Variants in NRROS observed in about 807,000 individuals in gnomAD.
NRROS encodes transforming growth factor beta activator LRRC33.
NRROS carries 6 observed loss-of-function variants against 12.0 expected under a neutral mutation model. That is an observed-to-expected ratio of 0.50 (90% CI 0.27 to 0.98). The LOEUF is 0.98. NRROS is among the 50% of genes least tolerant of loss of function. NRROS has a pLI of 0.11. For synonymous variants in NRROS, 462 were observed against 410.2 expected, an observed-to-expected ratio of 1.13 and a Z score of -1.53; for missense variants, 857 against 888.2, an observed-to-expected ratio of 0.96 and a Z score of 0.45.
chr3:196,660,910 G>A lies in NRROS; in HGVS notation c.1267G>A (p.Ala423Thr), dbSNP rs1332255779. ...CCTGGGCGTCCCCCCTGGCCTCTTC[G>A]CCAATGCTAGGAACATCACTACACT... ...QLLGVPPGLFANARNITTLDM... is the reference protein window; with the variant it reads ...QLLGVPPGLFTNARNITTLDM... Residue 423 changes from alanine (A) to threonine (T), a missense_variant, in exon 3 of 3, where the codon GCC (alanine) becomes ACC (threonine). Ala to Thr is a moderately conservative substitution (Grantham distance 58). Coordinates refer to ENST00000328557, the MANE Select transcript of NRROS (RefSeq NM_198565.3). This position sits in a 1 kb window ranked among gnomAD's most constrained non-coding sequence, Gnocchi z 7.7. 5.0e-6 allele frequency: 8 copies of A among 1,613,998 alleles called. No individual in the cohort carries two copies. The highest frequency in any genetic ancestry group is 1.3e-5 in the African/African-American group (1 of 74,922).
intron 1 of NRROS, among the ~76,000 whole-genome samples, chr3:196,643,264 G>T (rs1029872776): frequency 6.6e-6 from 1 of 152,174 alleles, no homozygotes; most frequent in Admixed American, 6.5e-5. Context: ...ACGGAGTCAG[G>T]TGCTGACCCC....
In NRROS at chr3:196,660,287, A is replaced by G. The variant is rs1379196390; in HGVS notation, c.644A>G (p.Asn215Ser). The G allele has an allele frequency of 2.5e-6, 4 of 1,613,944 alleles. No homozygotes were observed. The highest frequency in any genetic ancestry group is 1.3e-5 in the African/African-American group (1 of 75,044). ...AELRHLNLAF[N>S]NLPCIVDFGL... is the part of the protein sequence containing the mutation. ...CTGAGGCACCTCAACCTGGCCTTCA[A>G]CAACCTCCCCTGCATCGTGGACTTC... The change falls in exon 3 of 3, where the codon AAC becomes AGC. Residue 215 changes from asparagine to serine, a missense_variant. Coordinates refer to ENST00000328557, the MANE Select transcript of NRROS (RefSeq NM_198565.3). The surrounding 1 kb of genome is among the most constrained non-coding windows in gnomAD (Gnocchi z 7.7).
chr3:196,660,223 T>C lies in NRROS; in HGVS notation c.580T>C (p.Phe194Leu). ...GCTGGATCTGCAGAGGAACTACATCTTCGAGATCGAGGGCGGCGCTTTCGA... is the reference window on the plus strand; with the variant it reads ...GCTGGATCTGCAGAGGAACTACATCCTCGAGATCGAGGGCGGCGCTTTCGA... ...RELDLQRNYI[F>L]EIEGGAFDGL... is the part of the protein sequence containing the mutation. Residue 194 changes from phenylalanine to leucine, a missense_variant, in exon 3 of 3, where the codon TTC becomes CTC. Physicochemically the swap from Phe to Leu is conservative, Grantham distance 22. Coordinates refer to ENST00000328557, the MANE Select transcript of NRROS (RefSeq NM_198565.3). This position sits in a 1 kb window ranked among gnomAD's most constrained non-coding sequence, Gnocchi z 7.7. 6.2e-7 allele frequency: 1 copy of C among 1,613,568 alleles called. No homozygotes were observed. The highest frequency in any genetic ancestry group is 1.6e-4 in the Middle Eastern group (1 of 6,062).
chr3:196,658,295 G>A (rs1737580256), intron 2 of NRROS, among the ~76,000 whole-genome samples: 4 of 152,188 alleles, frequency 2.6e-5, no homozygotes, highest in Admixed American at 6.5e-5. Flanking sequence ...AATATCTTAC[G>A]AAAGATCCAG....
intron 1 of NRROS, among the ~76,000 whole-genome samples, chr3:196,653,324 T>C (rs1026574679): frequency 6.6e-6 from 1 of 152,226 alleles, no homozygotes; most frequent in Non-Finnish European, 1.5e-5. Flanking sequence ...ATTAGTCTGT[T>C]TGCACTGGTG....
intron 1 of NRROS, among the ~76,000 whole-genome samples, chr3:196,650,123 G>A (rs531007282): frequency 1.3e-5 from 2 of 152,188 alleles, no homozygotes; most frequent in African/African-American, 4.8e-5. Flanking sequence ...CAAAACAATA[G>A]CAAAATTCAG....
At chr3:196,644,786 A>G (rs1274883312) in intron 1 of NRROS, among the ~76,000 whole-genome samples, 2 of 150,966 alleles carry the variant, frequency 1.3e-5, no homozygotes, top group African/African-American at 4.9e-5. Context: ...AAAAAAAAAA[A>G]AAAAAGAAAG....
In NRROS at chr3:196,661,571, G is replaced by A; in HGVS notation, c.1928G>A (p.Trp643Ter). Residue 643 changes from tryptophan to a stop codon, truncating the protein, a stop_gained, in exon 3 of 3, where the codon TGG (tryptophan) becomes TAG (stop). Transcript: ENST00000328557. LOFTEE classifies it high-confidence loss of function. The part of the protein sequence containing the change: ...LPGGVPRDCK[W>*]ERLDLGLLYL... ...GGAGGTGTGCCTCGGGACTGCAAGTGGGAGCGGCTGGACCTGGGCCTGCTC... is the reference window on the plus strand; with the variant it reads ...GGAGGTGTGCCTCGGGACTGCAAGTAGGAGCGGCTGGACCTGGGCCTGCTC... 6.2e-7 allele frequency: 1 copy of A among 1,613,980 alleles called. No homozygotes were observed. Among genetic ancestry groups the A allele is most frequent in the Non-Finnish European group, 8.5e-7 (1 of 1,180,024 alleles).
rs778028488 is a variant in NRROS at position 196,654,694 on chromosome 3, A to G, written c.108+47A>G. ...ATCTGTCGGCTGCTCCTGTCCTGAC[A>G]AGGCTTGGTCCATTTGGAAAGCTGA... On this transcript the variant is annotated intron_variant, in intron 2 of 2. Coordinates refer to ENST00000328557, the MANE Select transcript of NRROS (RefSeq NM_198565.3). This position sits in a 1 kb window ranked among gnomAD's most constrained non-coding sequence, Gnocchi z 4.4. The G allele has an allele frequency of 5.8e-6, 7 of 1,210,134 alleles. No homozygotes were observed. The East Asian group carries it at 1.6e-4, about 28-fold the overall frequency. The allele number at this position is 1,210,134 out of a possible 1,614,324, so 75.0% of individuals were successfully genotyped here.
At chr3:196,649,540 C>T (rs564205202) in intron 1 of NRROS, among the ~76,000 whole-genome samples, 15 of 152,186 alleles carry the variant, frequency 9.9e-5, no homozygotes, top group East Asian at 3.9e-4. Flanking sequence ...GGCGTGATCT[C>T]GGCTCACTGC....
In NRROS at chr3:196,661,590, C is replaced by A; in HGVS notation, c.1947C>A (p.Gly649=). 1 of 1,613,784 alleles carries A rather than the reference C, an allele frequency of 6.2e-7. No individual in the cohort carries two copies. Among genetic ancestry groups the A allele is most frequent in the Non-Finnish European group, 8.5e-7 (1 of 1,180,030 alleles). Residue 649 remains glycine (G), a synonymous_variant, in exon 3 of 3, where the codon GGC becomes GGA. Transcript: ENST00000328557. ...RDCKWERLDL[G]LLYLVLILPS... ...GCAAGTGGGAGCGGCTGGACCTGGG[C>A]CTGCTCTACCTCGTGCTCATCCTCC...
intron 2 of NRROS, among the ~76,000 whole-genome samples, chr3:196,656,580 C>T (rs978031468): frequency 3.9e-5 from 6 of 152,170 alleles, no homozygotes; most frequent in African/African-American, 1.2e-4. Context: ...CAGTGCTACG[C>T]GTTTTATCCG....
chr3:196,644,575 A>G (rs1450958382), intron 1 of NRROS, among the ~76,000 whole-genome samples: 1 of 149,304 alleles, frequency 6.7e-6, no homozygotes, highest in Non-Finnish European at 1.5e-5. Context: ...TCTGGCCAAC[A>G]TGGTGAAACC....
intron 1 of NRROS, among the ~76,000 whole-genome samples, chr3:196,648,082 C>T (rs541309136): frequency 2.0e-5 from 3 of 152,152 alleles, no homozygotes; most frequent in Admixed American, 6.5e-5. Flanking sequence ...GTTAATGATT[C>T]CTGGAAATAT....
intron 2 of NRROS, among the ~76,000 whole-genome samples, chr3:196,657,944 A>G (rs1371304297): frequency 6.6e-6 from 1 of 152,158 alleles, no homozygotes; most frequent in Admixed American, 6.5e-5. Flanking sequence ...TCACCTCAAC[A>G]GTCACACTTG....
At chr3:196,657,994 T>C (rs4912589) in intron 2 of NRROS, among the ~76,000 whole-genome samples, 66,270 of 152,018 alleles carry the variant, frequency 0.44, 14,752 homozygotes, top group Middle Eastern at 0.54. Context: ...ACGAGTATAA[T>C]TTCGGTTTTA....
At chr3:196,657,160 C>T (rs1406335688) in intron 2 of NRROS, among the ~76,000 whole-genome samples, 1 of 150,596 alleles carries the variant, frequency 6.6e-6, no homozygotes, top group Non-Finnish European at 1.5e-5. Context: ...GCTGAGATCG[C>T]GCCACTGCAC....
chr3:196,656,016 C>G (rs1299679680), intron 2 of NRROS, among the ~76,000 whole-genome samples: 1 of 152,106 alleles, frequency 6.6e-6, no homozygotes, highest in African/African-American at 2.4e-5. Context: ...ACTAAAAATA[C>G]AAAAATTACC....
In NRROS at chr3:196,661,389, C is replaced by A. The variant is rs1305835345; in HGVS notation, c.1746C>A (p.Leu582=). 6.4e-7 allele frequency: 1 copy of A among 1,571,056 alleles called. No individual in the cohort carries two copies. The highest frequency in any genetic ancestry group is 1.8e-5 in the Admixed American group (1 of 56,568). ...CCCAGAAGGCTGTGTCTGAGCAGCT[C>A]TCGAGAGGTCTGCGGACCATCTACC... ...ALPQKAVSEQ[L]SRGLRTIYLS... The change falls in exon 3 of 3, where the codon CTC becomes CTA. Residue 582 remains leucine, a synonymous_variant. Coordinates refer to ENST00000328557, the MANE Select transcript of NRROS (RefSeq NM_198565.3).
Sources: gnomAD v4.1 joint callset for allele counts (sites outside exome capture counted in the v4.1 genomes callset) on GRCh38, gnomAD v4.1.1 for gene constraint, Gnocchi (gnomAD v3.1) non-coding constraint, MANE v1.5 for transcripts, NCBI Gene and HGNC (gene_info 2026-07-23, HGNC 2026-07-21) for gene names.